GRB2: variants seen among roughly 807,000 people sequenced by gnomAD.
GRB2 encodes growth factor receptor bound protein 2.
GRB2 carries 2 observed loss-of-function variants against 27.4 expected under a neutral mutation model. The observed-to-expected ratio is 0.07, with a 90% CI of 0.03 to 0.23. The LOEUF (loss-of-function observed/expected upper bound fraction) is 0.23, where lower values mean the gene tolerates loss of function less well. GRB2 is among the 10% of genes least tolerant of loss of function. The pLI is 1.00. For missense variants in GRB2, 102 were observed against 282.4 expected, an observed-to-expected ratio of 0.36 and a Z score of 4.58; for synonymous variants, 94 against 99.6, an observed-to-expected ratio of 0.94 and a Z score of 0.33.
intron 2 of GRB2, among the ~76,000 whole-genome samples, chr17:75,341,445 A>T (rs1159157744): frequency 2.2e-5 from 1 of 46,452 alleles, no homozygotes. Context: ...GAGTGACTCC[A>T]TTAAAAAAAA....
intron 2 of GRB2, among the ~76,000 whole-genome samples, chr17:75,364,579 C>T (rs2078807630): frequency 1.3e-5 from 2 of 152,060 alleles, no homozygotes; most frequent in Admixed American, 6.5e-5. Flanking sequence ...ACTATGTAAA[C>T]TTCCCTCCCT....
At chr17:75,355,232 T>A (rs996080033) in intron 2 of GRB2, among the ~76,000 whole-genome samples, 1 of 152,226 alleles carries the variant, frequency 6.6e-6, no homozygotes, top group African/African-American at 2.4e-5. Flanking sequence ...TTCTGCATCA[T>A]CAATTTTAAT....
At chr17:75,403,637 A>C (rs890306345) in intron 1 of GRB2, among the ~76,000 whole-genome samples, 3 of 152,048 alleles carry the variant, frequency 2.0e-5, no homozygotes, top group Non-Finnish European at 4.4e-5. Flanking sequence ...GGTGGTGAGC[A>C]CCTGTAATCC....
chr17:75,357,486 C>G (rs1371376938), intron 2 of GRB2, among the ~76,000 whole-genome samples: 1 of 152,204 alleles, frequency 6.6e-6, no homozygotes, highest in Non-Finnish European at 1.5e-5. Flanking sequence ...ACTTCTCTAT[C>G]AATCTAAAAT....
intron 2 of GRB2, chr17:75,372,663 T>C (rs923471039): frequency 3.9e-5 from 6 of 152,228 alleles, no homozygotes; most frequent in South Asian, 2.1e-4. Context: ...AACAGAGCCA[T>C]TGGCCACTCA....
chr17:75,327,279 C>T (rs1016786546), intron 3 of GRB2, among the ~76,000 whole-genome samples: 1 of 151,648 alleles, frequency 6.6e-6, no homozygotes, highest in Non-Finnish European at 1.5e-5. Context: ...GGGGTTTCAC[C>T]GTGTTAGCCA....
chr17:75,359,609 C>T (rs1351368463), intron 2 of GRB2, among the ~76,000 whole-genome samples: 4 of 152,010 alleles, frequency 2.6e-5, no homozygotes, highest in African/African-American at 9.7e-5. Flanking sequence ...CCTAACTCCC[C>T]AATCTCCACC....
intron 2 of GRB2, among the ~76,000 whole-genome samples, chr17:75,345,573 C>T (rs1321610386): frequency 6.6e-6 from 1 of 152,102 alleles, no homozygotes; most frequent in Non-Finnish European, 1.5e-5. Context: ...ATTTCCAACT[C>T]AAAAAGCTAG....
intron 2 of GRB2, among the ~76,000 whole-genome samples, chr17:75,362,509 T>C (rs867361742): frequency 6.6e-5 from 10 of 152,218 alleles, no homozygotes; most frequent in African/African-American, 2.2e-4. Context: ...CCAAAAGATA[T>C]TTTTTGATGT....
At position 75,344,607 on chromosome 17, in the gene GRB2, G is replaced by A. The variant is rs182907531; in HGVS notation, c.79-11810C>T. On this transcript the variant is annotated intron_variant, in intron 2 of 5. Transcript: ENST00000316804. ...GGGTTTCATCAAGTTGGCCAGGCTG[G>A]TGTTGAACTCCTGAGTTCAAGTGAT... 1.5e-4 allele frequency among the ~76,000 whole-genome samples: 23 copies of A among 152,066 alleles called. No individual in the cohort carries two copies. The East Asian group carries it at 3.5e-3, about 23-fold the overall frequency.
chr17:75,366,515 A>AAAC (rs386386632), intron 2 of GRB2, among the ~76,000 whole-genome samples: 1 of 143,504 alleles, frequency 7.0e-6, no homozygotes, highest in Non-Finnish European at 1.5e-5. Context: ...AAAAAAAAAA[A>AAAC]ACGGCCAGCT....
Position 75,321,815 on chromosome 17 carries a change from A to G in GRB2, c.312T>C (p.Asp104=), listed in dbSNP as rs753113502. ...CTCGGAGCACCTTGAAGTGCTGCAC[A>G]TCGTTTCCAAACCTGGGAGGGACAG... The part of the protein sequence containing the change: ...DFSLSVKFGN[D]VQHFKVLRDG... The change falls in exon 5 of 6, where the codon GAT becomes GAC. Residue 104 remains aspartate, a synonymous_variant. Coordinates refer to ENST00000316804, the MANE Select transcript of GRB2 (RefSeq NM_002086.5). 13 of 1,613,832 alleles carry G rather than the reference A, an allele frequency of 8.1e-6. No homozygotes were observed. The highest frequency in any genetic ancestry group is 1.7e-5 in the Admixed American group (1 of 59,996).
intron 1 of GRB2, among the ~76,000 whole-genome samples, chr17:75,402,865 C>T (rs1000572389): frequency 6.6e-6 from 1 of 151,650 alleles, no homozygotes; most frequent in Admixed American, 6.6e-5. Flanking sequence ...CACCTGAAGT[C>T]GGGAGTTCCA....
chr17:75,354,507 T>C (rs1185313244), intron 2 of GRB2, among the ~76,000 whole-genome samples: 1 of 152,138 alleles, frequency 6.6e-6, no homozygotes, highest in Non-Finnish European at 1.5e-5. Flanking sequence ...TACTGTAAAC[T>C]GCTCACGCGA....
intron 2 of GRB2, among the ~76,000 whole-genome samples, chr17:75,341,536 G>A (rs558920725): frequency 1.9e-4 from 28 of 151,104 alleles, no homozygotes; most frequent in Non-Finnish European, 2.4e-4. Flanking sequence ...ATGGAATGGT[G>A]AGAGGTTCTG....
intron 2 of GRB2, among the ~76,000 whole-genome samples, chr17:75,380,613 C>T (rs2078922066): frequency 1.3e-5 from 2 of 152,180 alleles, no homozygotes; most frequent in Non-Finnish European, 2.9e-5. Flanking sequence ...TTGTTCCAAG[C>T]ATGAGTTAAG....
intron 2 of GRB2, among the ~76,000 whole-genome samples, chr17:75,342,271 C>T (rs1056639471): frequency 1.3e-5 from 2 of 152,150 alleles, no homozygotes; most frequent in African/African-American, 4.8e-5. Flanking sequence ...GAAGCTGGCT[C>T]CATACCCAGT....
intron 2 of GRB2, among the ~76,000 whole-genome samples, chr17:75,354,835 T>C (rs933031306): frequency 6.6e-6 from 1 of 152,224 alleles, no homozygotes; most frequent in African/African-American, 2.4e-5. Context: ...AATTTTCAGA[T>C]AGGAAGGGCG....
At chr17:75,368,395 T>C (rs750332871) in intron 2 of GRB2, among the ~76,000 whole-genome samples, 63 of 151,832 alleles carry the variant, frequency 4.1e-4, no homozygotes, top group Admixed American at 1.0e-3. Flanking sequence ...TTTGTTTGTG[T>C]GAGTGTTCTA....
Sources: allele counts gnomAD v4.1 joint callset (sites outside exome capture counted in the v4.1 genomes callset), GRCh38; gene constraint gnomAD v4.1.1; transcripts MANE v1.5; gene names NCBI Gene and HGNC (gene_info 2026-07-23, HGNC 2026-07-21).